The following CFAP47 variants were observed in gnomAD, a reference collection of about 807,000 sequenced individuals.
The protein encoded by CFAP47 is cilia and flagella associated protein 47.
CFAP47 carries 29 observed loss-of-function variants against 148.1 expected under a neutral mutation model. That is an observed-to-expected ratio of 0.20 (90% confidence interval 0.15 to 0.27). The LOEUF (loss-of-function observed/expected upper bound fraction) is 0.27, where lower values mean the gene tolerates loss of function less well. CFAP47 is among the 10% of genes least tolerant of loss of function. CFAP47 has a pLI of 1.00. For synonymous variants in CFAP47, 664 were observed against 577.3 expected, an observed-to-expected ratio of 1.15 and a Z score of -2.15; for missense variants, 1,872 against 1,697.5, an observed-to-expected ratio of 1.10 and a Z score of -1.81.
chrX:36,175,910 C>G (rs1022527972), intron 39 of CFAP47, among the ~76,000 whole-genome samples: 2 of 113,117 alleles, frequency 1.8e-5, no homozygotes, highest in Non-Finnish European at 3.7e-5. Context: ...TCGCTGCCGC[C>G]TTGCAGTTTG....
chrX:36,309,032 T>C (rs7060746), intron 55 of CFAP47, among the ~76,000 whole-genome samples: 685 of 111,694 alleles, frequency 6.1e-3, no homozygotes, highest in African/African-American at 0.021. Context: ...AATTAAATTA[T>C]GTTACTACAT....
chrX:35,970,006 G>T (rs1043195776), intron 10 of CFAP47, among the ~76,000 whole-genome samples: 2 of 109,314 alleles, frequency 1.8e-5, no homozygotes, highest in Non-Finnish European at 3.8e-5. Flanking sequence ...TTGGTGTGCT[G>T]CACCCATTAA....
chrX:36,270,487 C>A (rs1353414212), intron 49 of CFAP47, among the ~76,000 whole-genome samples: 1 of 106,286 alleles, frequency 9.4e-6, no homozygotes, highest in South Asian at 4.0e-4. Flanking sequence ...TTTTAAAATC[C>A]TTTACTTATT....
chrX:35,922,441 C>T (rs1209196491), intron 1 of CFAP47, among the ~76,000 whole-genome samples: 1 of 112,536 alleles, frequency 8.9e-6, no homozygotes, highest in Non-Finnish European at 1.9e-5. Context: ...ACATTTGCAT[C>T]TCACTAAGAG....
At chrX:36,260,483 A>T (rs1268416439) in intron 49 of CFAP47, among the ~76,000 whole-genome samples, 1 of 112,060 alleles carries the variant, frequency 8.9e-6, no homozygotes, top group Non-Finnish European at 1.9e-5. Flanking sequence ...TTTAGTTATG[A>T]TCAGCATTTT....
At chrX:36,380,806 G>A (rs782049787) in intron 63 of CFAP47, among the ~76,000 whole-genome samples, 11 of 112,051 alleles carry the variant, frequency 9.8e-5, no homozygotes, top group African/African-American at 3.2e-4. Context: ...GGATTAAATG[G>A]CATCTTTAAA....
intron 15 of CFAP47, among the ~76,000 whole-genome samples, chrX:35,987,127 G>A (rs891713567): frequency 7.5e-4 from 84 of 111,794 alleles, no homozygotes; most frequent in African/African-American, 2.6e-3. Context: ...AGCAGAGCTC[G>A]AGCACTGTGC....
intron 25 of CFAP47, 72 bp downstream of exon 25, chrX:36,039,251 T>C: frequency 2.2e-6 from 1 of 458,281 alleles, no homozygotes; most frequent in Non-Finnish European, 3.3e-6. Context: ...TATATAAGAA[T>C]TATATAAGAA....
chrX:36,372,631 C>T (rs1556022156), intron 62 of CFAP47, among the ~76,000 whole-genome samples: 1 of 111,470 alleles, frequency 9.0e-6, no homozygotes, highest in East Asian at 2.8e-4. Flanking sequence ...ATGAAGGCAC[C>T]TGCAACACAA....
intron 57 of CFAP47, among the ~76,000 whole-genome samples, chrX:36,335,201 C>T (rs782674915): frequency 1.8e-5 from 2 of 111,087 alleles, no homozygotes; most frequent in South Asian, 7.6e-4. Context: ...TCATTAATTG[C>T]AACTCTGCCA....
Position 36,073,327 on chromosome X carries a change from G to A in CFAP47, c.4654G>A (p.Gly1552Arg). ...TWFSLFGWPE[G>R]PHSFSIPETI... ...GTTCAGTCTCTTTGGCTGGCCTGAA[G>A]GACCCCATTCTTTTTCTATTCCAGA... Residue 1552 changes from glycine (G) to arginine (R), a missense_variant, in exon 29 of 64, where the codon GGA becomes AGA. Physicochemically the swap from Gly to Arg is moderately radical, Grantham distance 125. Coordinates refer to ENST00000378653, the MANE Select transcript of CFAP47 (RefSeq NM_001304548.2). 2 of 1,208,351 alleles carry A rather than the reference G, an allele frequency of 1.7e-6. No homozygotes were observed. Among genetic ancestry groups the A allele is most frequent in the Non-Finnish European group, 2.2e-6 (2 of 892,911 alleles).
chrX:36,345,504 C>G (rs1389179937), intron 57 of CFAP47, among the ~76,000 whole-genome samples: 3 of 111,440 alleles, frequency 2.7e-5, no homozygotes, highest in Non-Finnish European at 5.6e-5. Context: ...GGTGGTAATG[C>G]TCACCCACCT....
chrX:36,175,901 C>G (rs1248071044), intron 39 of CFAP47, among the ~76,000 whole-genome samples: 4 of 112,964 alleles, frequency 3.5e-5, no homozygotes, highest in African/African-American at 6.4e-5. Context: ...CCCCCAGCCT[C>G]GCTGCCGCCT....
chrX:36,108,277 T>A (rs189773001), intron 33 of CFAP47, among the ~76,000 whole-genome samples: 141 of 111,198 alleles, frequency 1.3e-3, no homozygotes, highest in Middle Eastern at 4.6e-3. Context: ...TATCCTCTTG[T>A]GGTTTTAAGT....
At chrX:36,156,926 A>C (rs1939374355) in intron 37 of CFAP47, among the ~76,000 whole-genome samples, 1 of 111,420 alleles carries the variant, frequency 9.0e-6, no homozygotes. Context: ...GTATTCCATA[A>C]GACTTAAGTA....
At chrX:36,310,790 T>C in intron 55 of CFAP47, 43 bp from the exon 56 acceptor site, 1 of 951,904 alleles carries the variant, frequency 1.1e-6, no homozygotes, top group Non-Finnish European at 1.4e-6. Context: ...ATAAAATATA[T>C]GCAGTTAGGA....
At chrX:36,141,173 G>A (rs1231767467) in intron 35 of CFAP47, among the ~76,000 whole-genome samples, 1 of 109,269 alleles carries the variant, frequency 9.2e-6, no homozygotes, top group African/African-American at 3.3e-5. Flanking sequence ...CAGAGTCAGA[G>A]CAGTCTCATG....
At chrX:36,350,159 GC>G in intron 59 of CFAP47, 27 bp downstream of exon 59, 1 of 937,811 alleles carries the variant, frequency 1.1e-6, no homozygotes, top group Non-Finnish European at 1.5e-6. Flanking sequence ...GTCAGAGAAT[GC>G]CAGAATTCTT....
chrX:35,930,883 G>T (rs762808098), intron 2 of CFAP47, among the ~76,000 whole-genome samples: 262 of 111,518 alleles, frequency 2.3e-3, no homozygotes, highest in African/African-American at 7.6e-3. Context: ...TTTTTCCAAA[G>T]AATCAGCTTT....
Sources: gnomAD v4.1 joint callset for allele counts (sites outside exome capture counted in the v4.1 genomes callset) on GRCh38, gnomAD v4.1.1 for gene constraint, MANE v1.5 for transcripts, NCBI Gene and HGNC (gene_info 2026-07-23, HGNC 2026-07-21) for gene names.